Variants in CNTN4 observed in about 807,000 individuals in gnomAD.
The protein encoded by CNTN4 is contactin 4.
In CNTN4, 77 loss-of-function variants were observed where a neutral mutation model predicts 122.5. That is an observed-to-expected ratio of 0.63 (90% confidence interval 0.52 to 0.76). The LOEUF (loss-of-function observed/expected upper bound fraction) is 0.76, where lower values mean the gene tolerates loss of function less well. CNTN4 is among the 30% of genes least tolerant of loss of function. The pLI is 0.00. For synonymous variants in CNTN4, 512 were observed against 447.0 expected, an observed-to-expected ratio of 1.15 and a Z score of -1.83; for missense variants, 1,256 against 1,259.1, an observed-to-expected ratio of 1.00 and a Z score of 0.04.
At chr3:2,103,315 C>T (rs745631562) in intron 2 of CNTN4, among the ~76,000 whole-genome samples, 94 of 151,950 alleles carry the variant, frequency 6.2e-4, no homozygotes, top group South Asian at 2.1e-3. Context: ...GGATATAATC[C>T]AAAACATACT....
chr3:2,844,143 G>A (rs569084414), intron 7 of CNTN4, among the ~76,000 whole-genome samples: 72 of 152,258 alleles, frequency 4.7e-4, no homozygotes, highest in Admixed American at 3.3e-4. Context: ...CAGATACCTC[G>A]TGGCTTGCAA....
At chr3:2,187,710 G>A (rs9968062) in intron 2 of CNTN4, among the ~76,000 whole-genome samples, 3,733 of 152,166 alleles carry the variant, frequency 0.025, 138 homozygotes, top group African/African-American at 0.086. Context: ...TCTATGCAGG[G>A]CCCTTGCAAA....
Position 2,160,260 on chromosome 3 carries a change from C to A in CNTN4, c.-145+59621C>A, listed in dbSNP as rs559517339. ...AGGTTGGCGGTCACCTGGACTAAAA[C>A]CATCGTTTTACTGAAAAAGCAATTG... On this transcript the variant is annotated intron_variant, in intron 2 of 24. Coordinates refer to ENST00000418658, the MANE Select transcript of CNTN4 (RefSeq NM_175607.3). Among the ~76,000 whole-genome samples the A allele has an allele frequency of 1.9e-4, 29 of 152,192 alleles. No homozygotes were observed. The South Asian group carries it at 6.0e-3, about 32-fold the overall frequency.
intron 4 of CNTN4, among the ~76,000 whole-genome samples, chr3:2,645,411 G>A (rs2083074975): frequency 6.6e-6 from 1 of 152,140 alleles, no homozygotes; most frequent in African/African-American, 2.4e-5. Context: ...CTGGGCTACA[G>A]GTGGTTATTT....
chr3:2,149,854 C>T (rs989752930), intron 2 of CNTN4, among the ~76,000 whole-genome samples: 7 of 152,004 alleles, frequency 4.6e-5, no homozygotes, highest in Admixed American at 3.9e-4. Flanking sequence ...TTCACTTCCT[C>T]ATACTGACAA....
intron 3 of CNTN4, among the ~76,000 whole-genome samples, chr3:2,518,447 G>A (rs1034117393): frequency 4.6e-5 from 7 of 151,962 alleles, no homozygotes; most frequent in Non-Finnish European, 1.0e-4. Flanking sequence ...GACAGTCTTC[G>A]GTCGCAAAAT....
intron 3 of CNTN4, among the ~76,000 whole-genome samples, chr3:2,359,728 A>T (rs2045040967): frequency 6.6e-6 from 1 of 152,088 alleles, no homozygotes; most frequent in Non-Finnish European, 1.5e-5. Flanking sequence ...TTTAGTAGAG[A>T]CAGGGTTTCA....
At chr3:3,005,607 TG>T (rs1696534469) in intron 14 of CNTN4, among the ~76,000 whole-genome samples, 1 of 152,230 alleles carries the variant, frequency 6.6e-6, no homozygotes, top group Admixed American at 6.5e-5. Context: ...ACCAAGGCAC[TG>T]GCAGATCCAG....
At chr3:2,622,478 A>C (rs139293047) in intron 4 of CNTN4, among the ~76,000 whole-genome samples, 101 of 152,028 alleles carry the variant, frequency 6.6e-4, no homozygotes, top group Middle Eastern at 3.4e-3. Context: ...TTTTTAGTAG[A>C]GATGGGTTGG....
intron 2 of CNTN4, among the ~76,000 whole-genome samples, chr3:2,303,324 G>T (rs1373591014): frequency 6.6e-6 from 1 of 152,056 alleles, no homozygotes; most frequent in Non-Finnish European, 1.5e-5. Context: ...ATTTTAGAAT[G>T]TTTTTATCAC....
At chr3:2,130,466 A>G (rs1048665535) in intron 2 of CNTN4, among the ~76,000 whole-genome samples, 1 of 152,240 alleles carries the variant, frequency 6.6e-6, no homozygotes, top group African/African-American at 2.4e-5. Flanking sequence ...GTAATAAAAT[A>G]GAATTCTTAA....
intron 4 of CNTN4, among the ~76,000 whole-genome samples, chr3:2,580,740 A>T (rs760690551): frequency 1.3e-5 from 2 of 152,176 alleles, no homozygotes. Context: ...CAATAATAAT[A>T]GTAAGAGTAA....
intron 3 of CNTN4, among the ~76,000 whole-genome samples, chr3:2,384,326 G>A (rs1298294810): frequency 1.3e-5 from 2 of 152,200 alleles, no homozygotes; most frequent in African/African-American, 2.4e-5. Context: ...GGCTTAAGTT[G>A]CTTTAGTCTA....
rs534777291 is a variant in CNTN4 at position 2,439,960 on chromosome 3, G to A, written c.-89+100727G>A. On this transcript the variant is annotated intron_variant, in intron 3 of 24. Transcript: ENST00000418658. ...GTAAATTTTTTAGTTTTAGCCTTAG[G>A]AGTGTCAAAACTAGTGCTAGCAAAA... Among the ~76,000 whole-genome samples, 4 of 152,220 alleles carry A rather than the reference G, an allele frequency of 2.6e-5. No individual in the cohort carries two copies. In the South Asian group the frequency reaches 8.3e-4, roughly 32 times the overall value.
At chr3:2,890,289 T>C (rs1007124419) in intron 10 of CNTN4, among the ~76,000 whole-genome samples, 8 of 152,222 alleles carry the variant, frequency 5.3e-5, no homozygotes, top group African/African-American at 1.9e-4. Context: ...TTTTCTGGTC[T>C]GGGTCTTCCC....
At chr3:2,112,021 G>A (rs909531915) in intron 2 of CNTN4, among the ~76,000 whole-genome samples, 3 of 152,082 alleles carry the variant, frequency 2.0e-5, no homozygotes, top group African/African-American at 7.2e-5. Context: ...GACAGAGGAA[G>A]GCAACATTTC....
intron 3 of CNTN4, among the ~76,000 whole-genome samples, chr3:2,496,900 C>A (rs114348954): frequency 6.6e-6 from 1 of 152,158 alleles, no homozygotes; most frequent in Non-Finnish European, 1.5e-5. Flanking sequence ...TCATAGAAGT[C>A]CTGGAGTCTG....
At chr3:2,758,162 A>T (rs116675031) in intron 6 of CNTN4, among the ~76,000 whole-genome samples, 1,628 of 152,296 alleles carry the variant, frequency 0.011, 26 homozygotes, top group African/African-American at 0.037. Context: ...TGAGGGAGTC[A>T]ACAAATGGCT....
intron 3 of CNTN4, among the ~76,000 whole-genome samples, chr3:2,443,506 A>G (rs932308261): frequency 9.2e-5 from 14 of 152,202 alleles, no homozygotes; most frequent in Admixed American, 7.9e-4. Flanking sequence ...CGTTAGTTCT[A>G]AAGAGTCTGA....
Sources: allele counts gnomAD v4.1 joint callset (sites outside exome capture counted in the v4.1 genomes callset), GRCh38; gene constraint gnomAD v4.1.1; transcripts MANE v1.5; gene names NCBI Gene and HGNC (gene_info 2026-07-23, HGNC 2026-07-21).